Variants in PPP3CA observed in about 807,000 individuals in gnomAD.
The protein encoded by PPP3CA is protein phosphatase 3 catalytic subunit alpha.
PPP3CA carries 14 observed loss-of-function variants against 66.5 expected under a neutral mutation model. That is an observed-to-expected ratio of 0.21 (90% confidence interval 0.14 to 0.33). The LOEUF is 0.33. Among genes scored for constraint, PPP3CA ranks in the 10% least tolerant of loss-of-function variants. The pLI is 1.00. For missense variants in PPP3CA, 317 were observed against 639.5 expected (o/e 0.50, Z 5.44); for synonymous variants, 232 against 226.2 (o/e 1.03, Z -0.23).
rs1313006932 is a variant in PPP3CA, at chr4:101,033,289, C to A, written c.1242-925G>T. Among the ~76,000 whole-genome samples, 9 of 67,154 alleles carry A rather than the reference C, an allele frequency of 1.3e-4. No homozygotes were observed. The South Asian group carries it at 1.3e-3, about 10-fold the overall frequency. The allele number at this position is 67,154 out of a possible 152,430, so 44.1% of individuals were successfully genotyped here. The stretch of plus-strand genomic sequence containing the variant: ...ACATACATAGAGACACACACACACA[C>A]ACAAACACACACACACACACACACA... On this transcript the variant is annotated intron_variant, in intron 11 of 13. Coordinates refer to ENST00000394854, the MANE Select transcript of PPP3CA (RefSeq NM_000944.5).
chr4:101,186,471 G>T (rs758675029), intron 2 of PPP3CA, among the ~76,000 whole-genome samples: 1 of 151,950 alleles, frequency 6.6e-6, no homozygotes, highest in Non-Finnish European at 1.5e-5. Context: ...CAAATATAAA[G>T]AAATTATTAC....
intron 2 of PPP3CA, among the ~76,000 whole-genome samples, chr4:101,179,303 G>A (rs1014985895): frequency 6.6e-6 from 1 of 152,008 alleles, no homozygotes; most frequent in Non-Finnish European, 1.5e-5. Context: ...TTTAGGGAGA[G>A]GTTTGCCACC....
intron 1 of PPP3CA, among the ~76,000 whole-genome samples, chr4:101,315,738 T>C (rs920969100): frequency 6.6e-6 from 1 of 152,172 alleles, no homozygotes; most frequent in African/African-American, 2.4e-5. Context: ...GTTTGGCAAT[T>C]CCACAAAGTC....
At chr4:101,338,250 C>T (rs552501900) in intron 1 of PPP3CA, among the ~76,000 whole-genome samples, 1 of 152,322 alleles carries the variant, frequency 6.6e-6, no homozygotes, top group South Asian at 2.1e-4. Flanking sequence ...TGCATGCTGG[C>T]TACCGAGCAA....
At chr4:101,172,227 T>G (rs1723907387) in intron 2 of PPP3CA, among the ~76,000 whole-genome samples, 1 of 152,166 alleles carries the variant, frequency 6.6e-6, no homozygotes, top group Admixed American at 6.6e-5. Flanking sequence ...TCATGCTATA[T>G]TCCCACAACC....
chr4:101,204,664 T>C (rs1030895745), intron 1 of PPP3CA, among the ~76,000 whole-genome samples: 6 of 146,626 alleles, frequency 4.1e-5, no homozygotes, highest in Non-Finnish European at 7.5e-5. Flanking sequence ...AAAAAAGTTA[T>C]ACACACAAGT....
In PPP3CA at chr4:101,046,639, C is replaced by G. The variant is rs192647374; in HGVS notation, c.1157-6073G>C. Among the ~76,000 whole-genome samples, 193 of 151,984 alleles carry G rather than the reference C, an allele frequency of 1.3e-3. 1 individual carries two copies. The highest frequency in any genetic ancestry group is 4.5e-3 in the African/African-American group (187 of 41,460). Reference sequence around the variant, plus strand: ...CCAAATTCTGAGAAAATTTTTTTTACCACTCACCACTTCCAAATTTGTTAA... The same window carrying G: ...CCAAATTCTGAGAAAATTTTTTTTAGCACTCACCACTTCCAAATTTGTTAA... On this transcript the variant is annotated intron_variant, in intron 10 of 13. Coordinates refer to ENST00000394854, the MANE Select transcript of PPP3CA (RefSeq NM_000944.5).
chr4:101,127,009 G>T (rs1722265624), intron 2 of PPP3CA, among the ~76,000 whole-genome samples: 1 of 152,120 alleles, frequency 6.6e-6, no homozygotes, highest in African/African-American at 2.4e-5. Context: ...TCAATACCCT[G>T]ATTCCTCTAG....
chr4:101,220,491 C>T (rs1725591825), intron 1 of PPP3CA, among the ~76,000 whole-genome samples: 1 of 151,586 alleles, frequency 6.6e-6, no homozygotes, highest in South Asian at 2.1e-4. Context: ...ATCACTGATG[C>T]ATCTCAGCTA....
intron 1 of PPP3CA, among the ~76,000 whole-genome samples, chr4:101,230,240 ATC>A (rs1414327260): frequency 6.6e-6 from 1 of 151,626 alleles, no homozygotes; most frequent in Admixed American, 6.6e-5. Context: ...CTTTACAAAT[ATC>A]TCTAAAATTC....
In PPP3CA at chr4:101,106,463, A is replaced by AGAAAGAAAGAAAGAAAGAAAGAAG. The variant is rs1560605247; in HGVS notation, c.384+2490_384+2491insCTTCTTTCTTTCTTTCTTTCTTTC. On this transcript the variant is annotated intron_variant, in intron 3 of 13. Coordinates refer to ENST00000394854, the MANE Select transcript of PPP3CA (RefSeq NM_000944.5). ...AAAGAAAGAAAGAAAGAGAAAAGAAAAGAAAAGAAAAGAAAAGAAAAGAAA... is the reference window on the plus strand; with the variant it reads ...AAAGAAAGAAAGAAAGAGAAAAGAAAGAAAGAAAGAAAGAAAGAAAGAAGAGAAAAGAAAAGAAAAGAAAAGAAA... Among the ~76,000 whole-genome samples the AGAAAGAAAGAAAGAAAGAAAGAAG allele has an allele frequency of 7.1e-4, 24 of 33,768 alleles. 1 individual carries two copies. Among genetic ancestry groups the AGAAAGAAAGAAAGAAAGAAAGAAG allele is most frequent in the South Asian group, 2.8e-3 (2 of 722 alleles). The allele number at this position is 33,768 out of a possible 152,430, so 22.2% of individuals were successfully genotyped here. A position where few individuals can be genotyped will look rare whatever the true frequency, so the allele number is the denominator to read the frequency against.
chr4:101,287,310 T>A, intron 1 of PPP3CA, among the ~76,000 whole-genome samples: 1 of 152,192 alleles, frequency 6.6e-6, no homozygotes, highest in Non-Finnish European at 1.5e-5. Context: ...TACTTAAGCA[T>A]TAGAAACACA....
At position 101,347,068 on chromosome 4, in the gene PPP3CA, T is replaced by C; in HGVS notation, c.-272A>G. The stretch of plus-strand genomic sequence containing the variant: ...TGCGCGTGTGTGGTGGTTATTTATT[T>C]ATTTTCTGAGCACGCCTCCCGGTTC... On this transcript the variant is annotated 5_prime_UTR_variant, in exon 1 of 14. In the 5' UTR this introduces an upstream ATG that the reference lacks. Coordinates refer to ENST00000394854, the MANE Select transcript of PPP3CA (RefSeq NM_000944.5). The C allele has an allele frequency of 1.8e-6, 1 of 558,964 alleles. No individual in the cohort carries two copies. The highest frequency in any genetic ancestry group is 3.2e-6 in the Non-Finnish European group (1 of 316,690). 34.6% of individuals were successfully genotyped at this position (558,964 alleles called of 1,614,324 possible).
rs1473787141 is a variant in PPP3CA at position 101,278,135 on chromosome 4, A to T, written c.58+68604T>A. Among the ~76,000 whole-genome samples the T allele has an allele frequency of 1.6e-3, 225 of 145,126 alleles. 3 individuals carry two copies. Among genetic ancestry groups the T allele is most frequent in the South Asian group, 0.011 (50 of 4,738 alleles). ...AAAAGCTATTAGTAAAAAAAAAAAA[A>T]AAAATAAAAAAATTAAAAAGTTATT... is the stretch of plus-strand genomic sequence containing the variant. On this transcript the variant is annotated intron_variant, in intron 1 of 13. Coordinates refer to ENST00000394854, the MANE Select transcript of PPP3CA (RefSeq NM_000944.5).
chr4:101,062,582 C>T (rs756598706), intron 9 of PPP3CA, among the ~76,000 whole-genome samples: 1 of 151,854 alleles, frequency 6.6e-6, no homozygotes, highest in Admixed American at 6.6e-5. Context: ...GACATTTCCC[C>T]AAAATTTTTG....
At chr4:101,092,155 C>T (rs1729982596) in intron 6 of PPP3CA, among the ~76,000 whole-genome samples, 1 of 151,778 alleles carries the variant, frequency 6.6e-6, no homozygotes. Context: ...AAATCTCTAG[C>T]GATTTGTAAA....
At chr4:101,095,084 C>A (rs1730134973) in intron 5 of PPP3CA, among the ~76,000 whole-genome samples, 1 of 151,466 alleles carries the variant, frequency 6.6e-6, no homozygotes, top group Non-Finnish European at 1.5e-5. Context: ...TTTTCAATAC[C>A]CAATGAAAAA....
chr4:101,132,624 A>G (rs915483437), intron 2 of PPP3CA, among the ~76,000 whole-genome samples: 2 of 152,212 alleles, frequency 1.3e-5, no homozygotes, highest in African/African-American at 4.8e-5. Flanking sequence ...ACCAACCAAA[A>G]AAAGCCCAGG....
chr4:101,103,592 T>C (rs1354443232), intron 3 of PPP3CA, among the ~76,000 whole-genome samples: 2 of 152,246 alleles, frequency 1.3e-5, no homozygotes, highest in African/African-American at 2.4e-5. Flanking sequence ...GAACATTGTC[T>C]GGTTTGCTGT....
Sources: allele counts gnomAD v4.1 joint callset (sites outside exome capture counted in the v4.1 genomes callset), GRCh38; gene constraint gnomAD v4.1.1; transcripts MANE v1.5; gene names NCBI Gene and HGNC (gene_info 2026-07-23, HGNC 2026-07-21).